SULT2B1: variants seen among roughly 807,000 people sequenced by gnomAD.
SULT2B1 encodes sulfotransferase family 2B member 1.
Under a neutral mutation model 33.2 loss-of-function variants are expected in SULT2B1, and 16 were observed. The ratio of observed to expected loss-of-function variants is 0.48; its 90% CI spans 0.33 to 0.73. SULT2B1 has a LOEUF of 0.73. Among genes scored for constraint, SULT2B1 ranks in the 30% least tolerant of loss-of-function variants. SULT2B1 has a pLI of 0.02. For synonymous variants in SULT2B1, 186 were observed against 200.5 expected, an observed-to-expected ratio of 0.93 and a Z score of 0.61; for missense variants, 500 against 506.0, an observed-to-expected ratio of 0.99 and a Z score of 0.11.
Position 48,592,819 on chromosome 19 carries a change from G to A in SULT2B1, c.645+3G>A, listed in dbSNP as rs1473793163. The A allele has an allele frequency of 1.3e-6, 2 of 1,561,028 alleles. No homozygotes were observed. The highest frequency in any genetic ancestry group is 1.2e-5 in the South Asian group (1 of 84,760). On this transcript the variant is annotated splice_donor_region_variant and intron_variant, in intron 5 of 6. Transcript: ENST00000201586. Reference sequence around the variant, plus strand: ...TCACCTACGAGGAGCTGCAGCAGGTGAGTCCCCACCTCCTCCAGGTGCAGC... The same window carrying A: ...TCACCTACGAGGAGCTGCAGCAGGTAAGTCCCCACCTCCTCCAGGTGCAGC...
chr19:48,578,605 G>C (rs1275127246), intron 2 of SULT2B1, among the ~76,000 whole-genome samples: 1 of 151,674 alleles, frequency 6.6e-6, no homozygotes, highest in African/African-American at 2.4e-5. Flanking sequence ...GGCCAGGCAC[G>C]GTGGCTCATG....
chr19:48,576,783 C>T (rs1036566885), intron 2 of SULT2B1, among the ~76,000 whole-genome samples: 19 of 149,802 alleles, frequency 1.3e-4, no homozygotes, highest in Admixed American at 6.7e-5. Context: ...TGGAACCACA[C>T]GTGTGCACCA....
At chr19:48,563,780 C>A (rs549533661) in intron 1 of SULT2B1, among the ~76,000 whole-genome samples, 1 of 152,068 alleles carries the variant, frequency 6.6e-6, no homozygotes, top group Admixed American at 6.6e-5. Context: ...GCCTGACCAA[C>A]ATGGCGAAAC....
intron 1 of SULT2B1, among the ~76,000 whole-genome samples, chr19:48,568,076 A>G (rs1187418904): frequency 6.6e-6 from 1 of 151,980 alleles, no homozygotes; most frequent in East Asian, 1.9e-4. Context: ...GTTCAAGACC[A>G]GTCTGGGCAA....
At chr19:48,584,539 G>A (rs1216564076) in intron 2 of SULT2B1, among the ~76,000 whole-genome samples, 2 of 152,186 alleles carry the variant, frequency 1.3e-5, no homozygotes, top group Non-Finnish European at 2.9e-5. Flanking sequence ...TCACAAAAAC[G>A]GCAGAGAGGC....
intron 1 of SULT2B1, among the ~76,000 whole-genome samples, chr19:48,558,825 C>T (rs141690759): frequency 0.032 from 4,860 of 151,792 alleles, 275 homozygotes; most frequent in African/African-American, 0.11. Flanking sequence ...GCTGGGACTA[C>T]AGGCGTGCGC....
At chr19:48,587,531 CTATT>C (rs1973581409) in intron 3 of SULT2B1, 94 bp downstream of exon 3, 6 of 1,411,392 alleles carry the variant, frequency 4.3e-6, no homozygotes, top group Non-Finnish European at 5.0e-6. Flanking sequence ...CATTCAGCAC[CTATT>C]TGTTAAACAC....
At chr19:48,580,279 G>T (rs1248230451) in intron 2 of SULT2B1, among the ~76,000 whole-genome samples, 1 of 151,544 alleles carries the variant, frequency 6.6e-6, no homozygotes, top group Non-Finnish European at 1.5e-5. Flanking sequence ...GTTTTTTATG[G>T]AGACAGGTTC....
intron 2 of SULT2B1, among the ~76,000 whole-genome samples, chr19:48,583,515 C>T (rs1309850037): frequency 3.3e-5 from 5 of 152,150 alleles, no homozygotes; most frequent in African/African-American, 1.2e-4. Flanking sequence ...TATTATTCAG[C>T]TGTAAAAAGG....
At chr19:48,591,985 G>A (rs1568413489) in intron 4 of SULT2B1, among the ~76,000 whole-genome samples, 1 of 151,874 alleles carries the variant, frequency 6.6e-6, no homozygotes, top group Non-Finnish European at 1.5e-5. Context: ...CAAAAAGACT[G>A]AGAGAGAGGG....
chr19:48,558,247 T>C (rs1973126716), intron 1 of SULT2B1, among the ~76,000 whole-genome samples: 1 of 152,194 alleles, frequency 6.6e-6, no homozygotes, highest in South Asian at 2.1e-4. Flanking sequence ...GAAGCCTGAC[T>C]GTATCACGCC....
At chr19:48,569,020 G>A (rs11083945) in intron 1 of SULT2B1, among the ~76,000 whole-genome samples, 62,429 of 151,856 alleles carry the variant, frequency 0.41, 14,025 homozygotes, top group South Asian at 0.58. Flanking sequence ...TTAGCATTTA[G>A]ATAAATGACA....
chr19:48,581,314 G>A (rs1973483820), intron 2 of SULT2B1, among the ~76,000 whole-genome samples: 1 of 151,160 alleles, frequency 6.6e-6, no homozygotes, highest in Non-Finnish European at 1.5e-5. Flanking sequence ...AAAGTGCTGG[G>A]ATTACAGGCA....
chr19:48,596,667 C>A, intron 5 of SULT2B1, 72 bp from the exon 6 acceptor site: 1 of 1,453,532 alleles, frequency 6.9e-7, no homozygotes. Flanking sequence ...CCCAGACATG[C>A]GGATCCCAGG....
At chr19:48,565,226 T>A (rs1264400711) in intron 1 of SULT2B1, among the ~76,000 whole-genome samples, 1 of 152,028 alleles carries the variant, frequency 6.6e-6, no homozygotes, top group African/African-American at 2.4e-5. Context: ...GTGCCCGGCC[T>A]AATCCTTACT....
chr19:48,564,572 A>G (rs2665597), intron 1 of SULT2B1, among the ~76,000 whole-genome samples: 1,774 of 146,242 alleles, frequency 0.012, 21 homozygotes, highest in African/African-American at 0.04. Flanking sequence ...AAAAAAAAAA[A>G]AAAGAAAGAA....
intron 1 of SULT2B1, among the ~76,000 whole-genome samples, chr19:48,570,376 G>A (rs141967394): frequency 0.016 from 2,438 of 151,556 alleles, no homozygotes; most frequent in African/African-American, 0.054. Flanking sequence ...ACGGGGTTTC[G>A]CCATGTTGGC....
chr19:48,557,721 A>G (rs1303601761), intron 1 of SULT2B1, among the ~76,000 whole-genome samples: 2 of 152,148 alleles, frequency 1.3e-5, no homozygotes, highest in East Asian at 3.9e-4. Flanking sequence ...GTTGGAGACC[A>G]GGCTGACCAA....
rs570034332 is a variant in SULT2B1 at position 48,584,453 on chromosome 19, C to T, written c.215-2776C>T. ...GCCCCATCCTCATTCAGTGTTCCTC[C>T]AGCGCCCTCTGCTGACAAGGTTTAA... On this transcript the variant is annotated intron_variant, in intron 2 of 6. Transcript: ENST00000201586. Among the ~76,000 whole-genome samples, 3 of 152,326 alleles carry T rather than the reference C, an allele frequency of 2.0e-5. No individual in the cohort carries two copies. In the South Asian group the frequency reaches 6.2e-4, roughly 32 times the overall value.
Sources: allele counts gnomAD v4.1 joint callset (sites outside exome capture counted in the v4.1 genomes callset), GRCh38; gene constraint gnomAD v4.1.1; transcripts MANE v1.5; gene names NCBI Gene and HGNC (gene_info 2026-07-23, HGNC 2026-07-21).